Variants in LARGE1 observed in about 807,000 individuals in gnomAD.
LARGE1 encodes the protein LARGE xylosyl- and glucuronyltransferase 1.
In LARGE1, 43 loss-of-function variants were observed where a neutral mutation model predicts 87.6. The observed-to-expected ratio is 0.49, with a 90% CI of 0.38 to 0.63. LARGE1 has a LOEUF of 0.63. LARGE1 is among the 30% of genes least tolerant of loss of function. The pLI, the probability that LARGE1 is intolerant of heterozygous loss-of-function variation, is 0.00. For missense variants in LARGE1, 802 were observed against 1,000.2 expected, an observed-to-expected ratio of 0.80 and a Z score of 2.67; for synonymous variants, 434 against 394.6, an observed-to-expected ratio of 1.10 and a Z score of -1.18.
At chr22:33,138,725 C>T in the LARGE1 span, among the ~76,000 whole-genome samples, 64,120 of 151,936 alleles carry the variant, frequency 0.42, 13,978 homozygotes, top group South Asian at 0.68. Context: ...ATTGCAGGCA[C>T]GAGCCACCAC....
At chr22:33,496,468 G>T (rs991718827) in intron 6 of LARGE1, among the ~76,000 whole-genome samples, 21 of 152,228 alleles carry the variant, frequency 1.4e-4, no homozygotes, top group African/African-American at 5.1e-4. Flanking sequence ...CTTCTACCAA[G>T]TAAGGACACA....
intron 11 of LARGE1, among the ~76,000 whole-genome samples, chr22:33,251,351 TTTTG>T (rs1478055679): frequency 6.6e-6 from 1 of 152,202 alleles, no homozygotes; most frequent in Non-Finnish European, 1.5e-5. Context: ...ACTTAACTAT[TTTTG>T]TTTATCTGAT....
At chr22:33,416,567 G>A (rs1350192967) in intron 7 of LARGE1, among the ~76,000 whole-genome samples, 3 of 152,010 alleles carry the variant, frequency 2.0e-5, no homozygotes, top group Non-Finnish European at 2.9e-5. Context: ...GGGGGCGGGG[G>A]AGGCAATGGT....
At chr22:33,261,213 G>T (rs1927607724) in intron 11 of LARGE1, among the ~76,000 whole-genome samples, 1 of 152,198 alleles carries the variant, frequency 6.6e-6, no homozygotes, top group Non-Finnish European at 1.5e-5. Flanking sequence ...GAGGAGGGTG[G>T]TGGAGGTTAC....
At chr22:33,419,459 C>T (rs1007925495) in intron 7 of LARGE1, among the ~76,000 whole-genome samples, 1 of 151,844 alleles carries the variant, frequency 6.6e-6, no homozygotes, top group South Asian at 2.1e-4. Context: ...TGCTTGGTGG[C>T]CTTTGCACGT....
intron 6 of LARGE1, among the ~76,000 whole-genome samples, chr22:33,435,284 G>A (rs896717325): frequency 6.6e-6 from 1 of 152,166 alleles, no homozygotes. Flanking sequence ...TTACAGGCGT[G>A]AGCCACCATG....
At chr22:33,244,716 C>T (rs781411412) in intron 11 of LARGE1, among the ~76,000 whole-genome samples, 77 of 152,228 alleles carry the variant, frequency 5.1e-4, no homozygotes, top group Admixed American at 1.7e-3. Flanking sequence ...CAACTGATGG[C>T]GTAAATCATC....
At chr22:33,285,027 A>T (rs1441727605) in intron 12 of LARGE1, among the ~76,000 whole-genome samples, 2 of 152,220 alleles carry the variant, frequency 1.3e-5, no homozygotes, top group Non-Finnish European at 2.9e-5. Flanking sequence ...CTGTGGACCG[A>T]ACAAGGTCGT....
At chr22:33,781,042 A>G (rs1050954267) in intron 1 of LARGE1, among the ~76,000 whole-genome samples, 5 of 152,226 alleles carry the variant, frequency 3.3e-5, no homozygotes, top group Non-Finnish European at 7.3e-5. Flanking sequence ...TTTATCACCC[A>G]ATTCATAACC....
chr22:33,434,015 T>A (rs1274700586), intron 6 of LARGE1, among the ~76,000 whole-genome samples: 2 of 152,198 alleles, frequency 1.3e-5, no homozygotes, highest in Non-Finnish European at 2.9e-5. Flanking sequence ...TATGATGACA[T>A]CTAAAACTTG....
chr22:33,475,216 C>G (rs1420914599), intron 6 of LARGE1, among the ~76,000 whole-genome samples: 1 of 152,140 alleles, frequency 6.6e-6, no homozygotes, highest in East Asian at 1.9e-4. Flanking sequence ...GTTTGAATCT[C>G]TGTTTCATCT....
chr22:33,080,829 C>A, the LARGE1 span, among the ~76,000 whole-genome samples: 3 of 152,132 alleles, frequency 2.0e-5, no homozygotes, highest in African/African-American at 4.8e-5. Context: ...CACTGAACCT[C>A]GGTTCAGTTT....
the LARGE1 span, among the ~76,000 whole-genome samples, chr22:33,155,025 AT>A: frequency 6.6e-6 from 1 of 152,140 alleles, no homozygotes; most frequent in Non-Finnish European, 1.5e-5. Flanking sequence ...TTCCACCATG[AT>A]TGTGAGGCCT....
At chr22:33,690,470 T>A (rs940029337) in intron 2 of LARGE1, among the ~76,000 whole-genome samples, 1 of 152,134 alleles carries the variant, frequency 6.6e-6, no homozygotes, top group African/African-American at 2.4e-5. Context: ...CAGGTAAGGC[T>A]GGAAGAAGCC....
chr22:33,203,321 C>T (rs1041756548), intron 11 of LARGE1, among the ~76,000 whole-genome samples: 1 of 152,154 alleles, frequency 6.6e-6, no homozygotes, highest in African/African-American at 2.4e-5. Context: ...AAGACAGCCT[C>T]GTGCAGGATA....
chr22:33,751,844 TG>T lies in LARGE1; in HGVS notation c.106+9526del, dbSNP rs1333517259. ...GTGCAGTGGCATGATCTTGGCTCAC[TG>T]GAACATTCGCCTCCAGGGTTCAAGC... On this transcript the variant is annotated intron_variant, in intron 2 of 14. Transcript: ENST00000397394. Among the ~76,000 whole-genome samples, 25 of 152,194 alleles carry T rather than the reference TG, an allele frequency of 1.6e-4. No homozygotes were observed. In the East Asian group the frequency reaches 4.8e-3, roughly 29 times the overall value.
At chr22:33,455,141 A>C (rs1221775746) in intron 6 of LARGE1, among the ~76,000 whole-genome samples, 1 of 152,190 alleles carries the variant, frequency 6.6e-6, no homozygotes, top group South Asian at 2.1e-4. Flanking sequence ...CTGGGTCCAT[A>C]AGGGAGGGAA....
the LARGE1 span, among the ~76,000 whole-genome samples, chr22:33,095,084 G>C: frequency 2.0e-5 from 3 of 152,124 alleles, no homozygotes; most frequent in Non-Finnish European, 1.5e-5. Flanking sequence ...CTGGCTTATC[G>C]TATTACAACG....
At chr22:33,269,941 C>T (rs994828079), downstream of LARGE1, among the ~76,000 whole-genome samples, 4 of 150,278 alleles carry the variant, frequency 2.7e-5, no homozygotes, top group African/African-American at 7.4e-5. Context: ...GGAAGCAGAG[C>T]TTGCAGTGAG....
Sources: gnomAD v4.1 joint callset for allele counts (sites outside exome capture counted in the v4.1 genomes callset) on GRCh38, gnomAD v4.1.1 for gene constraint, MANE v1.5 for transcripts, NCBI Gene and HGNC (gene_info 2026-07-23, HGNC 2026-07-21) for gene names.